CRACR2A: variants seen among roughly 807,000 people sequenced by gnomAD.
CRACR2A encodes the protein calcium release activated channel regulator 2A.
A neutral mutation model predicts 90.5 loss-of-function variants in CRACR2A; 79 were observed. The ratio of observed to expected loss-of-function variants is 0.87; its 90% CI spans 0.73 to 1.05. CRACR2A has a LOEUF of 1.05. CRACR2A is among the 50% of genes least tolerant of loss of function. The pLI is 0.00. For missense variants in CRACR2A, 823 were observed against 897.2 expected (o/e 0.92, Z 1.06); for synonymous variants, 338 against 356.7 (o/e 0.95, Z 0.59).
intron 17 of CRACR2A, among the ~76,000 whole-genome samples, chr12:3,626,325 T>G (rs1470989346): frequency 1.3e-5 from 2 of 152,228 alleles, no homozygotes; most frequent in Non-Finnish European, 2.9e-5. Context: ...CAATGTGGTA[T>G]CCATTCATTC....
intron 2 of CRACR2A, among the ~76,000 whole-genome samples, chr12:3,720,883 T>C (rs1946159115): frequency 6.6e-6 from 1 of 152,260 alleles, no homozygotes; most frequent in Non-Finnish European, 1.5e-5. Context: ...AACTGTGTCA[T>C]TCTAAAGCAA....
At chr12:3,683,327 A>G (rs1444892034) in intron 4 of CRACR2A, among the ~76,000 whole-genome samples, 1 of 152,114 alleles carries the variant, frequency 6.6e-6, no homozygotes, top group Non-Finnish European at 1.5e-5. Context: ...CACCACCAAA[A>G]TCAGAACACA....
intron 1 of CRACR2A, among the ~76,000 whole-genome samples, chr12:3,747,250 C>G (rs1287386576): frequency 6.6e-6 from 1 of 152,164 alleles, no homozygotes; most frequent in Non-Finnish European, 1.5e-5. Context: ...GCTTCCTCAT[C>G]TGTAAAATGG....
At chr12:3,683,686 C>T (rs1012401468) in intron 4 of CRACR2A, among the ~76,000 whole-genome samples, 2 of 152,220 alleles carry the variant, frequency 1.3e-5, no homozygotes, top group African/African-American at 4.8e-5. Flanking sequence ...CATTGATGAA[C>T]GTCTGCTCCC....
intron 17 of CRACR2A, among the ~76,000 whole-genome samples, chr12:3,624,685 G>A (rs1257614946): frequency 6.6e-6 from 1 of 152,214 alleles, no homozygotes; most frequent in Non-Finnish European, 1.5e-5. Flanking sequence ...TTGGTGAGGG[G>A]TCACAGGCAT....
intron 17 of CRACR2A, among the ~76,000 whole-genome samples, chr12:3,626,348 T>C (rs546469721): frequency 3.6e-4 from 55 of 152,368 alleles, no homozygotes; most frequent in Non-Finnish European, 7.5e-4. Context: ...CCAGGAGTTG[T>C]TGGTCTCATG....
chr12:3,752,231 C>T (rs1427408438), intron 1 of CRACR2A, among the ~76,000 whole-genome samples: 2 of 152,216 alleles, frequency 1.3e-5, no homozygotes, highest in Non-Finnish European at 2.9e-5. Context: ...CCTAAGCACA[C>T]TGTGTAAACA....
At chr12:3,619,017 G>A (rs1867753526) in intron 18 of CRACR2A, among the ~76,000 whole-genome samples, 2 of 152,220 alleles carry the variant, frequency 1.3e-5, no homozygotes, top group Non-Finnish European at 2.9e-5. Context: ...GAGTTACAAG[G>A]AAGGGACTTT....
intron 4 of CRACR2A, among the ~76,000 whole-genome samples, chr12:3,681,638 G>A (rs577180507): frequency 1.1e-4 from 17 of 152,338 alleles, no homozygotes; most frequent in Admixed American, 6.5e-4. Flanking sequence ...GTAACCGTGC[G>A]AAATTGCCAG....
chr12:3,724,530 T>G (rs1157529011), intron 2 of CRACR2A, among the ~76,000 whole-genome samples: 1 of 152,232 alleles, frequency 6.6e-6, no homozygotes. Context: ...GCTGCTCTCA[T>G]TCCAGCTTGG....
intron 11 of CRACR2A, 91 bp from the exon 12 acceptor site, chr12:3,644,731 G>A: frequency 8.6e-7 from 1 of 1,159,156 alleles, no homozygotes. Context: ...TGGGTGCAGG[G>A]GAAGGTGTGG....
At chr12:3,693,890 G>A (rs916953820) in intron 4 of CRACR2A, among the ~76,000 whole-genome samples, 1 of 152,174 alleles carries the variant, frequency 6.6e-6, no homozygotes, top group African/African-American at 2.4e-5. Context: ...TGCATCAGCT[G>A]GCGTGGCGCC....
At chr12:3,643,708 T>C (rs1322208165) in intron 12 of CRACR2A, among the ~76,000 whole-genome samples, 1 of 141,998 alleles carries the variant, frequency 7.0e-6, no homozygotes, top group Non-Finnish European at 1.5e-5. Context: ...TATATATATA[T>C]ATGTACATAC....
chr12:3,645,270 C>A (rs1046928444), intron 11 of CRACR2A, among the ~76,000 whole-genome samples: 2 of 152,108 alleles, frequency 1.3e-5, no homozygotes, highest in African/African-American at 4.8e-5. Flanking sequence ...TTGCATAGAG[C>A]CTTGAAGGAG....
chr12:3,674,271 G>T (rs950471954), intron 6 of CRACR2A, among the ~76,000 whole-genome samples: 4 of 152,182 alleles, frequency 2.6e-5, no homozygotes, highest in African/African-American at 4.8e-5. Context: ...AAGGGAAGGA[G>T]CAAGTCTGAA....
intron 11 of CRACR2A, among the ~76,000 whole-genome samples, chr12:3,645,884 A>C (rs1345403572): frequency 2.0e-5 from 3 of 152,232 alleles, no homozygotes; most frequent in Non-Finnish European, 4.4e-5. Context: ...AGGTATCTTC[A>C]AAAGAGATAA....
Position 3,633,674 on chromosome 12 carries a change from C to T in CRACR2A, c.1665G>A (p.Ala555=), listed in dbSNP as rs777325980. The T allele has an allele frequency of 3.2e-5, 49 of 1,551,618 alleles. No individual in the cohort carries two copies. Among genetic ancestry groups the T allele is most frequent in the Admixed American group, 3.9e-5 (2 of 50,994 alleles). The change falls in exon 15 of 20, where the codon GCG becomes GCA. Residue 555 remains alanine, a synonymous_variant. Coordinates refer to ENST00000440314, the MANE Select transcript of CRACR2A (RefSeq NM_001144958.2). This position sits in a 1 kb window ranked among gnomAD's most constrained non-coding sequence, Gnocchi z 4.5. ...LFKIVFVGNS[A]VGKTSFLRRF... ...TCCTCAGGAAGGATGTCTTCCCCAC[C>T]GCGGAATTGCCCACGAACACAATCT...
At chr12:3,751,096 C>T (rs1591732505) in intron 1 of CRACR2A, among the ~76,000 whole-genome samples, 2 of 152,238 alleles carry the variant, frequency 1.3e-5, no homozygotes, top group South Asian at 4.1e-4. Flanking sequence ...CATCCCACCA[C>T]TTATTTTCTG....
intron 2 of CRACR2A, among the ~76,000 whole-genome samples, chr12:3,725,039 G>A (rs780890174): frequency 3.3e-5 from 5 of 152,054 alleles, no homozygotes; most frequent in African/African-American, 7.2e-5. Context: ...ATCAGTGCCC[G>A]CTCCCCCTGG....
Sources: allele counts gnomAD v4.1 joint callset (sites outside exome capture counted in the v4.1 genomes callset), GRCh38; gene constraint gnomAD v4.1.1; non-coding constraint Gnocchi (gnomAD v3.1); transcripts MANE v1.5; gene names NCBI Gene and HGNC (gene_info 2026-07-23, HGNC 2026-07-21).